COL24A1: variants seen among roughly 807,000 people sequenced by gnomAD.
COL24A1 encodes the protein collagen alpha-1(XXIV) chain.
COL24A1 carries 224 observed loss-of-function variants against 253.9 expected under a neutral mutation model. The ratio of observed to expected loss-of-function variants is 0.88; its 90% CI spans 0.79 to 0.99. COL24A1 has a LOEUF of 0.99. Ranked by LOEUF, COL24A1 falls within the 50% of genes least tolerant of loss-of-function variation. COL24A1 has a pLI of 0.00. For synonymous variants in COL24A1, 685 were observed against 673.7 expected (o/e 1.02, Z -0.26); for missense variants, 2,131 against 2,068.5 (o/e 1.03, Z -0.59).
chr1:85,860,254 T>A (rs1476206471), intron 37 of COL24A1, among the ~76,000 whole-genome samples: 4 of 152,242 alleles, frequency 2.6e-5, no homozygotes, highest in African/African-American at 9.6e-5. Context: ...TACAATTAGA[T>A]GATTTTTAGT....
chr1:85,999,494 A>G (rs1347420354), intron 19 of COL24A1, among the ~76,000 whole-genome samples: 1 of 151,972 alleles, frequency 6.6e-6, no homozygotes, highest in Non-Finnish European at 1.5e-5. Context: ...GTGGTAGTGC[A>G]TGCCTGTGGT....
intron 13 of COL24A1, among the ~76,000 whole-genome samples, chr1:86,032,215 C>A (rs1332601809): frequency 6.6e-6 from 1 of 152,128 alleles, no homozygotes; most frequent in East Asian, 1.9e-4. Context: ...GGAAGTAAAT[C>A]CTATCAATAA....
intron 53 of COL24A1, among the ~76,000 whole-genome samples, chr1:85,766,709 G>T (rs1191251182): frequency 1.3e-5 from 2 of 152,024 alleles, no homozygotes; most frequent in Non-Finnish European, 2.9e-5. Flanking sequence ...ACTGAATCAT[G>T]CTTTGGTCAT....
chr1:85,851,398 C>T (rs1677751593), intron 37 of COL24A1, among the ~76,000 whole-genome samples: 2 of 152,072 alleles, frequency 1.3e-5, no homozygotes, highest in Admixed American at 1.3e-4. Context: ...ACAGACAATG[C>T]TGGAATAAAC....
chr1:85,880,340 T>C (rs1424426909), intron 32 of COL24A1, among the ~76,000 whole-genome samples: 1 of 152,196 alleles, frequency 6.6e-6, no homozygotes, highest in Non-Finnish European at 1.5e-5. Flanking sequence ...AGAAAAGCAA[T>C]TGACTTTTGT....
chr1:86,104,627 C>T (rs1336285706), intron 5 of COL24A1, among the ~76,000 whole-genome samples: 1 of 152,198 alleles, frequency 6.6e-6, no homozygotes, highest in African/African-American at 2.4e-5. Flanking sequence ...GGCCTCATTT[C>T]TGGCAGATTT....
intron 5 of COL24A1, among the ~76,000 whole-genome samples, chr1:86,099,794 C>T (rs979811304): frequency 4.6e-5 from 7 of 152,108 alleles, no homozygotes; most frequent in Non-Finnish European, 7.4e-5. Context: ...TCCCTGTTTC[C>T]ACCTGTCTCC....
intron 19 of COL24A1, among the ~76,000 whole-genome samples, chr1:85,999,585 T>C (rs151298349): frequency 0.018 from 2,716 of 152,074 alleles, 40 homozygotes; most frequent in Non-Finnish European, 0.026. Flanking sequence ...CACGCCACTC[T>C]AGCCTGGGTG....
intron 5 of COL24A1, among the ~76,000 whole-genome samples, chr1:86,103,682 T>C (rs1704672289): frequency 6.6e-6 from 1 of 152,228 alleles, no homozygotes. Context: ...TGGAATTTCT[T>C]TTCTTTAAGA....
chr1:85,907,223 G>T lies in COL24A1; in HGVS notation c.2749C>A (p.Pro917Thr), dbSNP rs1233706077. Residue 917 changes from proline (P) to threonine (T), a missense_variant, in exon 28 of 60, where the codon CCT becomes ACT. By Grantham distance (38) the Pro-to-Thr change is conservative. Transcript: ENST00000370571. Reference protein sequence around the residue: ...LPGHVGARGPPGSQGPKGQRG... With the variant: ...LPGHVGARGPTGSQGPKGQRG... ...TGTCCTTTAGGACCTTGACTCCCAGGTGGTCCTCTTGCCCCCACATGACCC... is the reference window on the plus strand; with the variant it reads ...TGTCCTTTAGGACCTTGACTCCCAGTTGGTCCTCTTGCCCCCACATGACCC... 1 of 1,611,256 alleles carries T rather than the reference G, an allele frequency of 6.2e-7. No homozygotes were observed. Among genetic ancestry groups the T allele is most frequent in the Non-Finnish European group, 8.5e-7 (1 of 1,178,158 alleles).
chr1:85,741,591 T>C (rs1000752811), intron 57 of COL24A1, among the ~76,000 whole-genome samples: 1 of 152,180 alleles, frequency 6.6e-6, no homozygotes, highest in African/African-American at 2.4e-5. Flanking sequence ...GATTCTAACT[T>C]TTGACCCCTA....
At chr1:86,075,065 A>G (rs772541501) in intron 7 of COL24A1, among the ~76,000 whole-genome samples, 1 of 152,152 alleles carries the variant, frequency 6.6e-6, no homozygotes, top group Non-Finnish European at 1.5e-5. Flanking sequence ...GGAGATAGAG[A>G]CACGAAAAAC....
At chr1:85,755,905 C>G (rs1570467671) in intron 55 of COL24A1, among the ~76,000 whole-genome samples, 1 of 36,966 alleles carries the variant, frequency 2.7e-5, no homozygotes. Flanking sequence ...TAGACTATAT[C>G]AGAAAAAAAA....
intron 24 of COL24A1, among the ~76,000 whole-genome samples, chr1:85,915,442 T>C (rs1685802071): frequency 6.6e-6 from 1 of 152,208 alleles, no homozygotes; most frequent in Non-Finnish European, 1.5e-5. Flanking sequence ...TGTGAGATTT[T>C]TTTTTAGCCC....
At chr1:85,935,178 T>A (rs1688156590) in intron 24 of COL24A1, among the ~76,000 whole-genome samples, 1 of 148,892 alleles carries the variant, frequency 6.7e-6, no homozygotes, top group African/African-American at 2.5e-5. Flanking sequence ...TAAAAAATTT[T>A]TAAACATTTA....
chr1:85,759,180 C>A (rs1666585690), intron 55 of COL24A1, among the ~76,000 whole-genome samples: 1 of 152,128 alleles, frequency 6.6e-6, no homozygotes, highest in South Asian at 2.1e-4. Flanking sequence ...CAAGTGAAAT[C>A]TAGTTTAGAA....
At chr1:85,972,258 T>C (rs1171554848) in intron 20 of COL24A1, among the ~76,000 whole-genome samples, 1 of 152,186 alleles carries the variant, frequency 6.6e-6, no homozygotes, top group African/African-American at 2.4e-5. Flanking sequence ...TAAATAACTA[T>C]ACCAAAGAGC....
chr1:85,879,379 C>T (rs1233261019), intron 32 of COL24A1, among the ~76,000 whole-genome samples: 3 of 151,868 alleles, frequency 2.0e-5, no homozygotes, highest in Non-Finnish European at 2.9e-5. Flanking sequence ...GCCTTTGCTC[C>T]TTTGTCACAG....
chr1:85,744,546 G>T, intron 57 of COL24A1, 120 bp downstream of exon 57: 1 of 671,094 alleles, frequency 1.5e-6, no homozygotes, highest in Admixed American at 3.7e-5. Flanking sequence ...CATTAAAATG[G>T]CTTCTGCCAG....
Sources: gnomAD v4.1 joint callset for allele counts (sites outside exome capture counted in the v4.1 genomes callset) on GRCh38, gnomAD v4.1.1 for gene constraint, MANE v1.5 for transcripts, NCBI Gene and HGNC (gene_info 2026-07-23, HGNC 2026-07-21) for gene names.